Variants in PLCB4 observed in about 807,000 individuals in gnomAD.
PLCB4 encodes the protein 1-phosphatidylinositol 4,5-bisphosphate phosphodiesterase beta-4.
PLCB4 carries 77 observed loss-of-function variants against 178.8 expected under a neutral mutation model. That is an observed-to-expected ratio of 0.43 (90% CI 0.36 to 0.52). The LOEUF (loss-of-function observed/expected upper bound fraction) is 0.52. PLCB4 is among the 20% of genes least tolerant of loss of function. PLCB4 has a pLI of 0.00. For synonymous variants in PLCB4, 496 were observed against 490.8 expected (o/e 1.01, Z -0.14); for missense variants, 1,024 against 1,453.4 (o/e 0.70, Z 4.80).
intron 7 of PLCB4, among the ~76,000 whole-genome samples, chr20:9,352,875 A>C (rs975755663): frequency 3.3e-5 from 5 of 152,314 alleles, no homozygotes; most frequent in South Asian, 4.1e-4. Context: ...AATAGATGGC[A>C]GCTTCTTTTT....
rs577346283 is a variant in PLCB4 at position 9,207,136 on chromosome 20, A to C, written c.-78-10254A>C. ...GTCTTAAAAAACCAAAACAAAACCC[A>C]AAAACCAATACCCAAAACAAACGAT... On this transcript the variant is annotated intron_variant, in intron 2 of 39. Coordinates refer to ENST00000378473, the MANE Select transcript of PLCB4 (RefSeq NM_001377142.1). Among the ~76,000 whole-genome samples, 295 of 152,272 alleles carry C rather than the reference A, an allele frequency of 1.9e-3. 1 individual carries two copies. The highest frequency in any genetic ancestry group is 6.9e-3 in the African/African-American group (286 of 41,566).
intron 28 of PLCB4, among the ~76,000 whole-genome samples, chr20:9,431,322 A>G (rs1476559295): frequency 3.3e-5 from 5 of 152,036 alleles, no homozygotes; most frequent in Non-Finnish European, 7.4e-5. Flanking sequence ...ACCCTGATCT[A>G]GTAGGATCTC....
intron 7 of PLCB4, among the ~76,000 whole-genome samples, chr20:9,347,901 G>T (rs908525204): frequency 7.9e-5 from 12 of 152,246 alleles, no homozygotes; most frequent in African/African-American, 2.7e-4. Context: ...TTGAACCCAA[G>T]AGGTGGAGGT....
chr20:9,418,563 A>C (rs2040410540), intron 25 of PLCB4, among the ~76,000 whole-genome samples: 1 of 152,138 alleles, frequency 6.6e-6, no homozygotes, highest in African/African-American at 2.4e-5. Flanking sequence ...TCTTGATTAA[A>C]TCTTGTAGCT....
chr20:9,442,101 G>A (rs182634328), intron 30 of PLCB4, among the ~76,000 whole-genome samples: 19 of 152,292 alleles, frequency 1.2e-4, no homozygotes, highest in African/African-American at 4.3e-4. Flanking sequence ...TACCAGGGAA[G>A]CCTGTAGACC....
chr20:9,380,269 C>T, intron 13 of PLCB4, 107 bp downstream of exon 13: 1 of 569,530 alleles, frequency 1.8e-6, no homozygotes, highest in Non-Finnish European at 3.1e-6. Context: ...ACTCCCTGAG[C>T]CATGGATTGA....
intron 2 of PLCB4, among the ~76,000 whole-genome samples, chr20:9,120,428 G>A (rs1443376727): frequency 6.7e-6 from 1 of 149,150 alleles, no homozygotes; most frequent in Non-Finnish European, 1.5e-5. Flanking sequence ...GTACCCAGCC[G>A]ACCTGCTCCT....
intron 13 of PLCB4, among the ~76,000 whole-genome samples, 181 bp from the exon 14 acceptor site, chr20:9,384,020 G>A (rs71334857): frequency 1.0e-3 from 158 of 152,314 alleles, no homozygotes; most frequent in Middle Eastern, 0.01. Context: ...AATTCATTAT[G>A]TTACTTATAA....
intron 2 of PLCB4, among the ~76,000 whole-genome samples, chr20:9,198,613 G>C (rs2093502387): frequency 6.6e-6 from 1 of 152,210 alleles, no homozygotes; most frequent in Non-Finnish European, 1.5e-5. Context: ...TCACATGTAA[G>C]ATGCAAATAA....
intron 18 of PLCB4, among the ~76,000 whole-genome samples, chr20:9,394,497 C>A (rs375268463): frequency 6.6e-6 from 1 of 151,918 alleles, no homozygotes; most frequent in East Asian, 1.9e-4. Flanking sequence ...TAAAATTTAA[C>A]CAAGTAAGTA....
intron 3 of PLCB4, among the ~76,000 whole-genome samples, chr20:9,263,889 A>G (rs1352747942): frequency 1.3e-5 from 2 of 152,212 alleles, no homozygotes; most frequent in East Asian, 1.9e-4. Flanking sequence ...TGTTAAAATC[A>G]TGTCCAAAAG....
intron 4 of PLCB4, among the ~76,000 whole-genome samples, chr20:9,326,073 A>G (rs957104444): frequency 4.6e-5 from 7 of 152,168 alleles, no homozygotes; most frequent in Non-Finnish European, 1.0e-4. Flanking sequence ...CACTAATCCC[A>G]TTTATCTCCC....
Position 9,265,602 on chromosome 20 carries a change from C to T in PLCB4, c.-15-42198C>T, listed in dbSNP as rs527513881. 4.6e-5 allele frequency among the ~76,000 whole-genome samples: 7 copies of T among 152,282 alleles called. No homozygotes were observed. The South Asian group carries it at 6.2e-4, about 14-fold the overall frequency. On this transcript the variant is annotated intron_variant, in intron 3 of 39. Coordinates refer to ENST00000378473, the MANE Select transcript of PLCB4 (RefSeq NM_001377142.1). ...AGAGTTCTGATTCTCACAGTGTTTTCGTTACCAGTTCTGTGGCCCTGGGTA... is the reference window on the plus strand; with the variant it reads ...AGAGTTCTGATTCTCACAGTGTTTTTGTTACCAGTTCTGTGGCCCTGGGTA...
At chr20:9,272,806 T>C (rs1360438133) in intron 3 of PLCB4, among the ~76,000 whole-genome samples, 2 of 151,886 alleles carry the variant, frequency 1.3e-5, no homozygotes, top group African/African-American at 4.8e-5. Context: ...TGTTCTTTGG[T>C]GTCATGAAAA....
At chr20:9,103,672 A>G (rs911743552) in intron 2 of PLCB4, among the ~76,000 whole-genome samples, 1 of 152,156 alleles carries the variant, frequency 6.6e-6, no homozygotes, top group Non-Finnish European at 1.5e-5. Context: ...TGATTGGTCT[A>G]CGTTAAATCC....
Position 9,362,960 on chromosome 20 carries a change from C to T in PLCB4, c.434C>T (p.Thr145Ile), listed in dbSNP as rs766179918. The part of the protein sequence containing the change: ...NFRANNVSPM[T>I]CLKKHWMKLA... ...AGGGCCAACAACGTCAGTCCAATGA[C>T]ATGCCTCAAGAAACAGTGAGTGTTG... Residue 145 changes from threonine (T) to isoleucine (I), a missense_variant, in exon 8 of 40, where the codon ACA (threonine) becomes ATA (isoleucine). Around this residue, in one of 7 missense-constraint regions of PLCB4, gnomAD observed 225 missense variants for 291.0 expected, o/e 0.77. Coordinates refer to ENST00000378473, the MANE Select transcript of PLCB4 (RefSeq NM_001377142.1). 5 of 1,609,520 alleles carry T rather than the reference C, an allele frequency of 3.1e-6. No individual in the cohort carries two copies. The South Asian group carries it at 3.3e-5, about 11-fold the overall frequency.
intron 1 of PLCB4, among the ~76,000 whole-genome samples, chr20:9,080,312 A>T (rs2090083290): frequency 6.6e-6 from 1 of 152,186 alleles, no homozygotes; most frequent in Non-Finnish European, 1.5e-5. Flanking sequence ...ATGGAACTTA[A>T]TTAGAATCAT....
intron 2 of PLCB4, among the ~76,000 whole-genome samples, chr20:9,154,075 A>G (rs1185825351): frequency 1.3e-5 from 2 of 152,128 alleles, no homozygotes; most frequent in Non-Finnish European, 2.9e-5. Context: ...CACTATCTTG[A>G]TCTTTCCATT....
At chr20:9,142,589 C>T (rs2092515234) in intron 2 of PLCB4, among the ~76,000 whole-genome samples, 2 of 152,142 alleles carry the variant, frequency 1.3e-5, no homozygotes, top group South Asian at 4.1e-4. Flanking sequence ...ATACTGACAT[C>T]TAATTCAACA....
Sources: allele counts gnomAD v4.1 joint callset (sites outside exome capture counted in the v4.1 genomes callset), GRCh38; gene constraint gnomAD v4.1.1; regional missense constraint gnomAD v4.1.1; transcripts MANE v1.5; gene names NCBI Gene and HGNC (gene_info 2026-07-23, HGNC 2026-07-21).